TRDN: variants seen among roughly 807,000 people sequenced by gnomAD.
TRDN encodes the protein triadin.
In TRDN, 161 loss-of-function variants were observed where a neutral mutation model predicts 149.7. The observed-to-expected ratio is 1.08, with a 90% CI of 0.95 to 1.23. The LOEUF (loss-of-function observed/expected upper bound fraction) is 1.23. Among genes scored for constraint, TRDN ranks in the 50% most tolerant of loss-of-function variants. The probability of loss-of-function intolerance (pLI) is 0.00; values close to 1 mark genes in which losing one functional copy is unlikely to be tolerated. For synonymous variants in TRDN, 294 were observed against 250.5 expected (o/e 1.17, Z -1.64); for missense variants, 896 against 823.5 (o/e 1.09, Z -1.08).
chr6:123,283,636 A>G (rs569938010), intron 24 of TRDN, among the ~76,000 whole-genome samples: 49 of 151,670 alleles, frequency 3.2e-4, no homozygotes, highest in African/African-American at 1.1e-3. Context: ...TGACACCACA[A>G]AAATATGGAA....
intron 8 of TRDN, chr6:123,502,121 T>C (rs1778725661): frequency 1.6e-5 from 16 of 984,114 alleles, no homozygotes; most frequent in Non-Finnish European, 1.9e-5. Context: ...ACTGATTTCA[T>C]GTGATTATTT....
At chr6:123,588,316 T>C (rs1433170364) in intron 1 of TRDN, among the ~76,000 whole-genome samples, 1 of 152,196 alleles carries the variant, frequency 6.6e-6, no homozygotes, top group Non-Finnish European at 1.5e-5. Flanking sequence ...TGGTATCTTA[T>C]TGCTACAAAG....
chr6:123,379,587 C>T (rs1429050096), intron 16 of TRDN, among the ~76,000 whole-genome samples: 2 of 152,072 alleles, frequency 1.3e-5, no homozygotes, highest in Non-Finnish European at 2.9e-5. Flanking sequence ...GCATCAGAAT[C>T]GAATACCAGC....
At chr6:123,321,841 T>C (rs907070123) in intron 23 of TRDN, among the ~76,000 whole-genome samples, 1 of 151,696 alleles carries the variant, frequency 6.6e-6, no homozygotes, top group Admixed American at 6.6e-5. Flanking sequence ...ACACAATGCT[T>C]TGTGGTCCGG....
intron 21 of TRDN, among the ~76,000 whole-genome samples, chr6:123,343,283 C>T (rs921715522): frequency 9.2e-5 from 14 of 151,726 alleles, no homozygotes; most frequent in Admixed American, 2.6e-4. Context: ...TCTGATTATC[C>T]ATTCATTTAA....
chr6:123,304,548 G>A (rs748785917), intron 24 of TRDN, among the ~76,000 whole-genome samples: 5 of 151,872 alleles, frequency 3.3e-5, no homozygotes, highest in African/African-American at 4.8e-5. Context: ...CACTGCGCCC[G>A]GCTTAATTTT....
chr6:123,251,570 A>G (rs1776374009), intron 38 of TRDN, among the ~76,000 whole-genome samples: 1 of 151,964 alleles, frequency 6.6e-6, no homozygotes, highest in African/African-American at 2.4e-5. Flanking sequence ...AATTAAAATA[A>G]CATATTAAAA....
At chr6:123,225,680 C>T (rs1027362531) in intron 38 of TRDN, among the ~76,000 whole-genome samples, 9 of 151,628 alleles carry the variant, frequency 5.9e-5, no homozygotes, top group African/African-American at 2.2e-4. Flanking sequence ...ATTTTTATTT[C>T]TCACTTATAT....
intron 30 of TRDN, among the ~76,000 whole-genome samples, chr6:123,270,700 TAA>T (rs1038717353): frequency 6.6e-6 from 1 of 152,002 alleles, no homozygotes; most frequent in African/African-American, 2.4e-5. Flanking sequence ...AGGCAGACTT[TAA>T]AGTTATATAA....
chr6:123,414,569 A>C (rs1317397023), intron 12 of TRDN, among the ~76,000 whole-genome samples: 3 of 152,124 alleles, frequency 2.0e-5, no homozygotes, highest in Non-Finnish European at 2.9e-5. Flanking sequence ...TGGAGGTTTT[A>C]GCTGAATAGA....
At chr6:123,249,946 A>C (rs1180387989) in intron 38 of TRDN, among the ~76,000 whole-genome samples, 1 of 152,140 alleles carries the variant, frequency 6.6e-6, no homozygotes, top group Admixed American at 6.6e-5. Flanking sequence ...ATATCTAGAA[A>C]AACCTAAGGA....
chr6:123,432,380 A>C (rs558077922), intron 12 of TRDN, among the ~76,000 whole-genome samples: 52 of 152,190 alleles, frequency 3.4e-4, no homozygotes, highest in African/African-American at 1.2e-3. Flanking sequence ...AATCCTAGTC[A>C]TAATTTGAAA....
intron 31 of TRDN, among the ~76,000 whole-genome samples, chr6:123,268,553 T>C (rs1231247167): frequency 6.6e-6 from 1 of 152,090 alleles, no homozygotes; most frequent in Non-Finnish European, 1.5e-5. Context: ...ATGACCTCTA[T>C]GGTCAGTTCT....
chr6:123,370,267 A>G (rs1781273814), intron 19 of TRDN, among the ~76,000 whole-genome samples: 1 of 151,922 alleles, frequency 6.6e-6, no homozygotes, highest in African/African-American at 2.4e-5. Flanking sequence ...ATTTTTCTAT[A>G]TGGGTTTTTA....
chr6:123,377,104 A>G (rs1462187027), intron 18 of TRDN, among the ~76,000 whole-genome samples: 3 of 152,112 alleles, frequency 2.0e-5, no homozygotes, highest in Non-Finnish European at 4.4e-5. Context: ...TGATAGGTTT[A>G]TTTGTCTTGT....
At chr6:123,529,447 A>G (rs894450525) in intron 5 of TRDN, 1 of 1,166,658 alleles carries the variant, frequency 8.6e-7, no homozygotes, top group South Asian at 1.3e-5. Flanking sequence ...GAATTCAAAC[A>G]TTAGGATTAA....
chr6:123,523,544 G>T (rs962578128), intron 5 of TRDN, among the ~76,000 whole-genome samples: 5 of 152,130 alleles, frequency 3.3e-5, no homozygotes, highest in Non-Finnish European at 2.9e-5. Context: ...TAAGTGACTG[G>T]ATTAGCATGG....
rs774235224 is a variant in TRDN, at chr6:123,570,955, A to G, written c.200T>C (p.Met67Thr). The change falls in exon 2 of 41, where the codon ATG (methionine) becomes ACG (threonine). Residue 67 changes from methionine to threonine, a missense_variant. By Grantham distance (81) the Met-to-Thr change is moderately conservative. Coordinates refer to ENST00000334268, the MANE Select transcript of TRDN (RefSeq NM_006073.4). ...GTTTTTGTAATCCACTAAATCAAAC[A>G]TAACGATGGCAACAGCTGACCACGT... ...IITWSAVAIV[M>T]FDLVDYKNFS... 6.2e-6 allele frequency: 10 copies of G among 1,613,990 alleles called. No homozygotes were observed. The highest frequency in any genetic ancestry group is 8.5e-6 in the Non-Finnish European group (10 of 1,179,870).
At chr6:123,271,004 T>C (rs962765946) in intron 30 of TRDN, 135 bp downstream of exon 30, 2 of 420,248 alleles carry the variant, frequency 4.8e-6, no homozygotes, top group African/African-American at 4.1e-5. Flanking sequence ...TGTTAGAAGT[T>C]ATGGTACTGA....
Sources: allele counts gnomAD v4.1 joint callset (sites outside exome capture counted in the v4.1 genomes callset), GRCh38; gene constraint gnomAD v4.1.1; transcripts MANE v1.5; gene names NCBI Gene and HGNC (gene_info 2026-07-23, HGNC 2026-07-21).